The following AUTS2 variants were observed in gnomAD, a reference collection of about 807,000 sequenced individuals.
AUTS2 encodes autism susceptibility gene 2 protein.
Under a neutral mutation model 112.4 loss-of-function variants are expected in AUTS2, and 17 were observed. That is an observed-to-expected ratio of 0.15 (90% CI 0.10 to 0.23). The LOEUF is 0.23. Among genes scored for constraint, AUTS2 ranks in the 10% least tolerant of loss-of-function variants. The probability of loss-of-function intolerance (pLI) is 1.00; values close to 1 mark genes in which losing one functional copy is unlikely to be tolerated. For missense variants in AUTS2, 1,510 were observed against 1,701.6 expected (o/e 0.89, Z 1.98); for synonymous variants, 751 against 702.7 (o/e 1.07, Z -1.09).
intron 1 of AUTS2, among the ~76,000 whole-genome samples, chr7:69,687,535 A>G (rs1428303951): frequency 1.3e-5 from 2 of 152,224 alleles, no homozygotes; most frequent in African/African-American, 4.8e-5. Flanking sequence ...CTCATATTAA[A>G]GAAAACAAGT....
At chr7:70,364,203 G>GA (rs1250544086) in intron 4 of AUTS2, among the ~76,000 whole-genome samples, 1 of 151,722 alleles carries the variant, frequency 6.6e-6, no homozygotes. Context: ...GTCTAGATTG[G>GA]AAAAAAATGC....
At chr7:69,787,808 C>A (rs748183194) in intron 1 of AUTS2, among the ~76,000 whole-genome samples, 1 of 152,130 alleles carries the variant, frequency 6.6e-6, no homozygotes, top group Non-Finnish European at 1.5e-5. Flanking sequence ...CTCCTGACTT[C>A]AGGTGATCCG....
intron 2 of AUTS2, among the ~76,000 whole-genome samples, chr7:69,958,832 A>T (rs997639999): frequency 2.6e-5 from 4 of 152,164 alleles, no homozygotes; most frequent in African/African-American, 9.7e-5. Flanking sequence ...GGTAGGCAGT[A>T]TGACTGGATT....
At chr7:69,823,027 G>A (rs968529540) in intron 1 of AUTS2, among the ~76,000 whole-genome samples, 2 of 152,186 alleles carry the variant, frequency 1.3e-5, no homozygotes, top group Non-Finnish European at 2.9e-5. Flanking sequence ...GGGACTTTGA[G>A]TTGTTTGGTC....
intron 2 of AUTS2, among the ~76,000 whole-genome samples, chr7:70,006,693 A>G (rs1459623774): frequency 2.0e-5 from 3 of 152,254 alleles, no homozygotes; most frequent in Non-Finnish European, 4.4e-5. Flanking sequence ...GTACCTTTAT[A>G]CAATGATCAC....
intron 2 of AUTS2, among the ~76,000 whole-genome samples, chr7:70,016,214 A>G (rs1447564614): frequency 1.3e-5 from 2 of 152,174 alleles, no homozygotes; most frequent in African/African-American, 4.8e-5. Context: ...GATAACAGTG[A>G]CCTGAATTGG....
intron 4 of AUTS2, among the ~76,000 whole-genome samples, chr7:70,297,636 G>A (rs562302518): frequency 1.2e-4 from 18 of 151,562 alleles, no homozygotes; most frequent in African/African-American, 4.4e-4. Context: ...GGGTTTCACC[G>A]TGTTAGCCAG....
intron 2 of AUTS2, among the ~76,000 whole-genome samples, chr7:69,967,400 C>T (rs1278942757): frequency 6.6e-6 from 1 of 151,956 alleles, no homozygotes; most frequent in Non-Finnish European, 1.5e-5. Flanking sequence ...GAGGAATTCT[C>T]TTGTCAGCCG....
chr7:70,113,715 A>G (rs147008471), intron 2 of AUTS2, among the ~76,000 whole-genome samples: 174 of 152,316 alleles, frequency 1.1e-3, no homozygotes, highest in African/African-American at 4.1e-3. Context: ...TATATTCTCC[A>G]CATAATTTAT....
At chr7:69,616,833 T>A (rs550248458) in intron 1 of AUTS2, among the ~76,000 whole-genome samples, 259 of 152,128 alleles carry the variant, frequency 1.7e-3, no homozygotes, top group Non-Finnish European at 2.4e-3. Context: ...ACTCCACCTT[T>A]ACCTGTCTTC....
chr7:69,865,669 T>G (rs1425267340), intron 1 of AUTS2, among the ~76,000 whole-genome samples: 1 of 152,206 alleles, frequency 6.6e-6, no homozygotes, highest in Non-Finnish European at 1.5e-5. Flanking sequence ...GCCATTCTCT[T>G]TCATTCTCAT....
intron 2 of AUTS2, among the ~76,000 whole-genome samples, chr7:69,976,913 G>A (rs1798082678): frequency 1.3e-5 from 2 of 151,958 alleles, no homozygotes; most frequent in Admixed American, 1.3e-4. Flanking sequence ...TGTTGATTGT[G>A]TCCTTTGATG....
chr7:70,790,860 C>CAGCGCTGA lies in AUTS2; in HGVS notation c.3645_3652dup (p.Ser1218LysfsTer3). 6.2e-7 allele frequency: 1 copy of CAGCGCTGA among 1,606,274 alleles called. No homozygotes were observed. The highest frequency in any genetic ancestry group is 8.5e-7 in the Non-Finnish European group (1 of 1,176,050). Reference sequence around the variant, plus strand: ...CTCCTCAACAAGACCCCTCCGACAGCAGCGCTGAGCGCACCTCCCCCGCTC... The same window carrying CAGCGCTGA: ...CTCCTCAACAAGACCCCTCCGACAGCAGCGCTGAAGCGCTGAGCGCACCTCCCCCGCTC... On this transcript the variant is annotated frameshift_variant, in exon 19 of 19. Coordinates refer to ENST00000342771, the MANE Select transcript of AUTS2 (RefSeq NM_015570.4). LOFTEE classifies it high-confidence loss of function. The surrounding 1 kb of genome is among the most constrained non-coding windows in gnomAD (Gnocchi z 7.6).
chr7:69,864,021 A>C (rs956034428), intron 1 of AUTS2, among the ~76,000 whole-genome samples: 1 of 152,170 alleles, frequency 6.6e-6, no homozygotes, highest in Non-Finnish European at 1.5e-5. Flanking sequence ...GAAATAATGC[A>C]GGGGTGGGAG....
intron 4 of AUTS2, among the ~76,000 whole-genome samples, chr7:70,320,049 C>T (rs1585014207): frequency 6.6e-6 from 1 of 152,314 alleles, no homozygotes; most frequent in Middle Eastern, 3.4e-3. Flanking sequence ...TATTCAACCT[C>T]TACATTGCTT....
At chr7:70,100,072 C>A (rs1804404647) in intron 2 of AUTS2, among the ~76,000 whole-genome samples, 1 of 152,036 alleles carries the variant, frequency 6.6e-6, no homozygotes, top group African/African-American at 2.4e-5. Flanking sequence ...TTTAGAGATT[C>A]CTTAACGTTA....
At chr7:70,480,943 G>A (rs1035463969) in intron 5 of AUTS2, among the ~76,000 whole-genome samples, 2 of 152,190 alleles carry the variant, frequency 1.3e-5, no homozygotes, top group African/African-American at 2.4e-5. Context: ...AACTGCTGAG[G>A]AAAGATACGG....
chr7:70,436,524 C>T (rs2130879497), intron 5 of AUTS2: 1 of 152,352 alleles, frequency 6.6e-6, no homozygotes, highest in Admixed American at 6.5e-5. Flanking sequence ...CGTTCCAATC[C>T]CCAACCAAAG....
intron 2 of AUTS2, among the ~76,000 whole-genome samples, chr7:69,901,634 T>C (rs753800494): frequency 2.0e-5 from 3 of 152,214 alleles, no homozygotes; most frequent in Non-Finnish European, 4.4e-5. Flanking sequence ...TTATGAATCA[T>C]GGAGAAGGAA....
Sources: allele counts gnomAD v4.1 joint callset (sites outside exome capture counted in the v4.1 genomes callset), GRCh38; gene constraint gnomAD v4.1.1; non-coding constraint Gnocchi (gnomAD v3.1); transcripts MANE v1.5; gene names NCBI Gene and HGNC (gene_info 2026-07-23, HGNC 2026-07-21).